The following DNAH5 variants were observed in gnomAD, a reference collection of about 807,000 sequenced individuals.
DNAH5 encodes axonemal beta dynein heavy chain 5.
DNAH5 carries 372 observed loss-of-function variants against 518.2 expected under a neutral mutation model. The ratio of observed to expected loss-of-function variants is 0.72; its 90% confidence interval spans 0.66 to 0.78. The LOEUF is 0.78. DNAH5 is among the 30% of genes least tolerant of loss of function. The pLI, the probability that DNAH5 is intolerant of heterozygous loss-of-function variation, is 0.00. For missense variants in DNAH5, 5,523 were observed against 5,687.0 expected, an observed-to-expected ratio of 0.97 and a Z score of 0.93; for synonymous variants, 2,039 against 2,025.9, an observed-to-expected ratio of 1.01 and a Z score of -0.17.
chr5:13,928,470 A>G (rs905154863), intron 2 of DNAH5, among the ~76,000 whole-genome samples: 1 of 152,236 alleles, frequency 6.6e-6, no homozygotes, highest in Non-Finnish European at 1.5e-5. Flanking sequence ...TAAAGTGTTG[A>G]GCTGTTGAAG....
rs564722810 is a variant in DNAH5, at chr5:13,777,904, C to T, written c.8952-549G>A. ...TACACTGTACTAGACTACCTGGAAA[C>T]GTTGTGAAATATCCCAGTCTGAAGG... is the stretch of plus-strand genomic sequence containing the variant. On this transcript the variant is annotated intron_variant, in intron 53 of 78. Coordinates refer to ENST00000265104, the MANE Select transcript of DNAH5 (RefSeq NM_001369.3). Among the ~76,000 whole-genome samples the T allele has an allele frequency of 1.5e-3, 227 of 152,084 alleles. 1 individual carries two copies. The highest frequency in any genetic ancestry group is 2.1e-3 in the Non-Finnish European group (140 of 68,002).
intron 65 of DNAH5, among the ~76,000 whole-genome samples, chr5:13,748,779 G>A (rs1040214664): frequency 6.6e-6 from 1 of 152,110 alleles, no homozygotes; most frequent in Non-Finnish European, 1.5e-5. Flanking sequence ...GAGATTTTGG[G>A]CTGAGACAAT....
At chr5:14,008,393 C>A (rs1043155308) in intron 1 of DNAH5, among the ~76,000 whole-genome samples, 1 of 144,512 alleles carries the variant, frequency 6.9e-6, no homozygotes, top group African/African-American at 2.6e-5. Flanking sequence ...GAGGCCGAGG[C>A]GGGTGGGTTA....
intron 8 of DNAH5, 88 bp downstream of exon 8, chr5:13,917,055 A>G: frequency 9.7e-7 from 1 of 1,026,662 alleles, no homozygotes; most frequent in Non-Finnish European, 1.5e-6. Flanking sequence ...AATGAACTGT[A>G]ATATTGATGA....
intron 70 of DNAH5, among the ~76,000 whole-genome samples, chr5:13,723,276 A>G (rs1213591800): frequency 6.6e-6 from 1 of 152,218 alleles, no homozygotes; most frequent in African/African-American, 2.4e-5. Flanking sequence ...TACTCCATGT[A>G]CACATTCAGT....
At chr5:13,985,180 A>T (rs1782950946) in intron 1 of DNAH5, among the ~76,000 whole-genome samples, 1 of 151,688 alleles carries the variant, frequency 6.6e-6, no homozygotes, top group South Asian at 2.1e-4. Context: ...TCGCAAGGAC[A>T]AAAAACCAAA....
At chr5:13,748,303 A>G (rs1159349889) in intron 65 of DNAH5, among the ~76,000 whole-genome samples, 1 of 152,206 alleles carries the variant, frequency 6.6e-6, no homozygotes, top group Non-Finnish European at 1.5e-5. Flanking sequence ...GTTTGAAGTC[A>G]GGTAGCGTGA....
chr5:13,926,759 C>T (rs537364826), intron 3 of DNAH5, among the ~76,000 whole-genome samples: 2 of 152,352 alleles, frequency 1.3e-5, no homozygotes, highest in African/African-American at 4.8e-5. Context: ...CCTACGAACA[C>T]TTCTTGGTCC....
At chr5:13,886,180 C>T (rs573970139) in intron 17 of DNAH5, 51 bp from the exon 18 acceptor site, 2 of 1,522,018 alleles carry the variant, frequency 1.3e-6, no homozygotes, top group Admixed American at 3.9e-5. Flanking sequence ...TATGGTTTAT[C>T]TAGCTTTTGA....
intron 48 of DNAH5, 30 bp downstream of exon 48, chr5:13,793,906 G>C: frequency 6.2e-7 from 1 of 1,612,176 alleles, no homozygotes; most frequent in Non-Finnish European, 8.5e-7. Context: ...CCAAATTAAA[G>C]AAATAAAATG....
chr5:13,910,670 A>G (rs1039315891), intron 12 of DNAH5, among the ~76,000 whole-genome samples: 1 of 152,020 alleles, frequency 6.6e-6, no homozygotes, highest in African/African-American at 2.4e-5. Context: ...CCCTTTCCTG[A>G]TAATAAACAT....
chr5:13,837,014 G>A (rs182669965), intron 35 of DNAH5, among the ~76,000 whole-genome samples: 112 of 152,336 alleles, frequency 7.4e-4, no homozygotes, highest in South Asian at 6.4e-3. Context: ...AGACAATGGG[G>A]ACCTGGGTCC....
chr5:13,766,385 C>T (rs1219886121), intron 58 of DNAH5, among the ~76,000 whole-genome samples: 1 of 152,142 alleles, frequency 6.6e-6, no homozygotes, highest in Non-Finnish European at 1.5e-5. Context: ...CTAGCAGTGA[C>T]AGGAAAGAAA....
At position 13,867,774 on chromosome 5, in the gene DNAH5, CA is replaced by C; in HGVS notation, c.4052del (p.Leu1351Ter). On this transcript the variant is annotated frameshift_variant and splice_region_variant, in exon 25 of 79. Transcript: ENST00000265104. LOFTEE classifies it high-confidence loss of function. ...DCHQFYLDYD[L>X]NGPMASGLKP... ...CACACAGAGAAAGCCAGAGACATAC[CA>C]AATCATAGTCCAGATAAAACTGGTG... is the stretch of plus-strand genomic sequence containing the variant. The C allele has an allele frequency of 3.1e-6, 5 of 1,612,120 alleles. No individual in the cohort carries two copies. Among genetic ancestry groups the C allele is most frequent in the Non-Finnish European group, 4.2e-6 (5 of 1,178,404 alleles).
chr5:13,923,991 G>A (rs1459229542), intron 3 of DNAH5, among the ~76,000 whole-genome samples: 2 of 151,770 alleles, frequency 1.3e-5, no homozygotes, highest in African/African-American at 4.8e-5. Flanking sequence ...GGTTGCAGTG[G>A]GCAGAGATCA....
intron 70 of DNAH5, among the ~76,000 whole-genome samples, chr5:13,727,067 G>C (rs1001653173): frequency 3.3e-5 from 5 of 152,186 alleles, no homozygotes; most frequent in Admixed American, 6.5e-5. Flanking sequence ...CTGGGGAAAT[G>C]ACTACGGTTT....
At chr5:13,743,823 A>T (rs1748949408) in intron 65 of DNAH5, among the ~76,000 whole-genome samples, 2 of 152,124 alleles carry the variant, frequency 1.3e-5, no homozygotes, top group South Asian at 4.1e-4. Flanking sequence ...GCTGATGAAG[A>T]TGCAGAGAAA....
chr5:13,931,274 G>A (rs1560959476), intron 1 of DNAH5, 30 bp from the exon 2 acceptor site: 1 of 1,613,590 alleles, frequency 6.2e-7, no homozygotes. Flanking sequence ...ATGTTACATG[G>A]AAACTGCTGT....
At chr5:13,933,133 A>G (rs549170224) in intron 1 of DNAH5, among the ~76,000 whole-genome samples, 49 of 152,354 alleles carry the variant, frequency 3.2e-4, no homozygotes, top group African/African-American at 1.1e-3. Flanking sequence ...TCTCCTGTTC[A>G]GAACCACTGA....
Sources: gnomAD v4.1 joint callset for allele counts (sites outside exome capture counted in the v4.1 genomes callset) on GRCh38, gnomAD v4.1.1 for gene constraint, MANE v1.5 for transcripts, NCBI Gene and HGNC (gene_info 2026-07-23, HGNC 2026-07-21) for gene names.